The following PHKA1 variants were observed in gnomAD, a reference collection of about 807,000 sequenced individuals.
PHKA1 encodes phosphorylase b kinase regulatory subunit alpha, skeletal muscle isoform.
Under a neutral mutation model 110.2 loss-of-function variants are expected in PHKA1, and 60 were observed. The observed-to-expected ratio is 0.54, with a 90% CI of 0.44 to 0.68. PHKA1 has a LOEUF of 0.68. Ranked by LOEUF, PHKA1 falls within the 30% of genes least tolerant of loss-of-function variation. The probability of loss-of-function intolerance (pLI) is 0.00; values close to 1 mark genes in which losing one functional copy is unlikely to be tolerated. For synonymous variants in PHKA1, 316 were observed against 333.6 expected, an observed-to-expected ratio of 0.95 and a Z score of 0.58; for missense variants, 801 against 942.5, an observed-to-expected ratio of 0.85 and a Z score of 1.97.
At chrX:72,713,703 C>CT in intron 1 of PHKA1, 100 bp downstream of exon 1, 1 of 653,020 alleles carries the variant, frequency 1.5e-6, no homozygotes, top group Middle Eastern at 3.0e-4. Context: ...CACACACACC[C>CT]ACACACGCAC....
intron 21 of PHKA1, among the ~76,000 whole-genome samples, chrX:72,616,527 G>A (rs1323654232): frequency 2.7e-5 from 3 of 111,554 alleles, no homozygotes; most frequent in Non-Finnish European, 5.6e-5. Flanking sequence ...ATACCTAAAG[G>A]AAGAGATAGA....
At chrX:72,689,332 A>G (rs2147816525) in intron 4 of PHKA1, among the ~76,000 whole-genome samples, 1 of 111,868 alleles carries the variant, frequency 8.9e-6, no homozygotes, top group East Asian at 2.8e-4. Flanking sequence ...CTTCCCTTCT[A>G]CAGTTGCCCC....
At chrX:72,636,811 T>G (rs1398077342) in intron 14 of PHKA1, among the ~76,000 whole-genome samples, 1 of 112,407 alleles carries the variant, frequency 8.9e-6, no homozygotes, top group East Asian at 2.8e-4. Flanking sequence ...TTTATTTTTT[T>G]GACTAGAACA....
At chrX:72,654,428 C>T (rs1412592044) in intron 10 of PHKA1, among the ~76,000 whole-genome samples, 10 of 111,554 alleles carry the variant, frequency 9.0e-5, no homozygotes, top group Non-Finnish European at 1.7e-4. Flanking sequence ...TTCCTCTCAG[C>T]CTTTTAAAAA....
At chrX:72,676,650 GACTC>G (rs1468838725) in intron 5 of PHKA1, among the ~76,000 whole-genome samples, 1 of 111,882 alleles carries the variant, frequency 8.9e-6, no homozygotes, top group Non-Finnish European at 1.9e-5. Flanking sequence ...GAAGTTAAGT[GACTC>G]ACTCAAAGTC....
At position 72,654,899 on chromosome X, in the gene PHKA1, G is replaced by A. The variant is rs1427114170; in HGVS notation, c.1041+1221C>T. 1.8e-4 allele frequency among the ~76,000 whole-genome samples: 19 copies of A among 103,912 alleles called. No homozygotes were observed. In the South Asian group the frequency reaches 6.0e-3, roughly 33 times the overall value. 90.2% of individuals were successfully genotyped at this position (103,912 alleles called of 115,157 possible). On this transcript the variant is annotated intron_variant, in intron 10 of 31. Transcript: ENST00000373542. ...TGCAAGCTCCGCCTCCCGGGTTCAC[G>A]CCATTCTCCTGCCTCAGCCTCCCAA...
chrX:72,633,064 C>T (rs1331199656), intron 16 of PHKA1, among the ~76,000 whole-genome samples: 1 of 111,742 alleles, frequency 8.9e-6, no homozygotes, highest in Non-Finnish European at 1.9e-5. Flanking sequence ...TATTTCAATT[C>T]TGAAATCTCT....
Position 72,644,410 on chromosome X carries a change from TG to T in PHKA1, c.1410del (p.Ile471SerfsTer16). The T allele has an allele frequency of 8.3e-7, 1 of 1,208,313 alleles. No individual in the cohort carries two copies. On this transcript the variant is annotated frameshift_variant, in exon 14 of 32. Coordinates refer to ENST00000373542, the MANE Select transcript of PHKA1 (RefSeq NM_002637.4). LOFTEE classifies it high-confidence loss of function. ...IYVETIAEVY[P>X]IRVQPARILS... ...AGAATACGAGCTGGTTGTACTCTGA[TG>T]GGGTATACCTCAGCAATGGTCTCCA...
intron 16 of PHKA1, 131 bp downstream of exon 16, chrX:72,635,024 T>C (rs1487324223): frequency 1.2e-6 from 1 of 821,940 alleles, no homozygotes; most frequent in African/African-American, 2.0e-5. Flanking sequence ...TGGCATAAAA[T>C]AGGAGCCAAT....
intron 21 of PHKA1, among the ~76,000 whole-genome samples, chrX:72,615,757 G>T (rs373345960): frequency 8.2e-4 from 61 of 74,492 alleles, no homozygotes; most frequent in African/African-American, 3.9e-3. Context: ...AGGGGGGGAA[G>T]GAAGGAAGGA....
chrX:72,682,218 G>A (rs1158366294), intron 5 of PHKA1, among the ~76,000 whole-genome samples: 10 of 76,896 alleles, frequency 1.3e-4, no homozygotes, highest in African/African-American at 1.4e-4. Context: ...GGGGTCAGCC[G>A]CCCCGTCCGG....
intron 12 of PHKA1, 123 bp downstream of exon 12, chrX:72,652,421 A>G (rs1199255797): frequency 5.7e-6 from 3 of 528,006 alleles, no homozygotes; most frequent in Non-Finnish European, 1.0e-5. Flanking sequence ...GAGGAAAACT[A>G]TAATTAAGGC....
intron 21 of PHKA1, among the ~76,000 whole-genome samples, chrX:72,616,994 GA>G (rs1180661831): frequency 9.0e-6 from 1 of 111,594 alleles, no homozygotes; most frequent in Non-Finnish European, 1.9e-5. Flanking sequence ...ATGGGATACA[GA>G]AAATGCTATT....
At chrX:72,595,993 C>T (rs371066724) in intron 28 of PHKA1, among the ~76,000 whole-genome samples, 50 of 111,921 alleles carry the variant, frequency 4.5e-4, no homozygotes, top group Non-Finnish European at 5.6e-4. Context: ...TATTTGCATG[C>T]CCATGTTCAA....
chrX:72,647,229 A>G (rs2053371429), intron 13 of PHKA1, among the ~76,000 whole-genome samples: 1 of 111,955 alleles, frequency 8.9e-6, no homozygotes, highest in Non-Finnish European at 1.9e-5. Flanking sequence ...GATGGATCTC[A>G]GAATTATTTA....
rs1215077277 is a variant in PHKA1, at chrX:72,623,265, C to T, written c.1804G>A (p.Gly602Ser). ...GYFGGARVQTGKLSEFLTTSC... is the reference protein window; with the variant it reads ...GYFGGARVQTSKLSEFLTTSC... ...GTTGTCAAAAACTCTGACAATTTACCTGTTTGAACCCTAAAAATTAGAGGA... is the reference window on the plus strand; with the variant it reads ...GTTGTCAAAAACTCTGACAATTTACTTGTTTGAACCCTAAAAATTAGAGGA... The change falls in exon 18 of 32, where the codon GGT becomes AGT. Residue 602 changes from glycine (G) to serine (S), a missense_variant. Around this residue, in one of 2 missense-constraint regions of PHKA1, gnomAD observed 502 missense variants for 519.2 expected, o/e 0.97. Coordinates refer to ENST00000373542, the MANE Select transcript of PHKA1 (RefSeq NM_002637.4). 1 of 1,205,692 alleles carries T rather than the reference C, an allele frequency of 8.3e-7. No individual in the cohort carries two copies. The highest frequency in any genetic ancestry group is 3.0e-5 in the East Asian group (1 of 33,724).
chrX:72,650,427 C>A lies in PHKA1; in HGVS notation c.1287G>T (p.Arg429Ser). Residue 429 changes from arginine to serine, a missense_variant, in exon 13 of 32, where the codon AGG becomes AGT. This residue lies in a region of PHKA1 where 299 missense variants were observed against 423.3 expected (regional missense o/e 0.71). Transcript: ENST00000373542. ...APGEIDPLNR[R>S]FSTVPKPDVV... is the part of the protein sequence containing the mutation. The stretch of plus-strand genomic sequence containing the variant: ...CATCGGGCTTCGGTACAGTAGAAAA[C>A]CTGCGATTCAGGGGATCAATTTCTC... 1 of 1,210,239 alleles carries A rather than the reference C, an allele frequency of 8.3e-7. No homozygotes were observed. Among genetic ancestry groups the A allele is most frequent in the Non-Finnish European group, 1.1e-6 (1 of 894,393 alleles).
At chrX:72,643,389 T>C (rs1389359659) in intron 14 of PHKA1, among the ~76,000 whole-genome samples, 1 of 111,788 alleles carries the variant, frequency 8.9e-6, no homozygotes, top group Non-Finnish European at 1.9e-5. Flanking sequence ...TTCTATTGGT[T>C]CTATAACAAA....
At chrX:72,685,244 C>T (rs1163024772) in intron 4 of PHKA1, among the ~76,000 whole-genome samples, 1 of 111,177 alleles carries the variant, frequency 9.0e-6, no homozygotes, top group African/African-American at 3.3e-5. Context: ...ATGCTGAATG[C>T]AGTTTCATTA....
Sources: gnomAD v4.1 joint callset for allele counts (sites outside exome capture counted in the v4.1 genomes callset) on GRCh38, gnomAD v4.1.1 for gene constraint, gnomAD v4.1.1 regional missense constraint, MANE v1.5 for transcripts, NCBI Gene and HGNC (gene_info 2026-07-23, HGNC 2026-07-21) for gene names.